Variants in SSBP2 observed in about 807,000 individuals in gnomAD.
SSBP2 encodes single-stranded DNA-binding protein 2.
Under a neutral mutation model 61.8 loss-of-function variants are expected in SSBP2, and 17 were observed. The ratio of observed to expected loss-of-function variants is 0.28; its 90% CI spans 0.19 to 0.41. The LOEUF (loss-of-function observed/expected upper bound fraction) is 0.41. Ranked by LOEUF, SSBP2 falls within the 10% of genes least tolerant of loss-of-function variation. The pLI is 1.00. For synonymous variants in SSBP2, 139 were observed against 141.3 expected (o/e 0.98, Z 0.12); for missense variants, 310 against 458.7 (o/e 0.68, Z 2.96).
chr5:81,434,748 T>C (rs1361366250), intron 15 of SSBP2, among the ~76,000 whole-genome samples: 1 of 148,846 alleles, frequency 6.7e-6, no homozygotes, highest in Non-Finnish European at 1.5e-5. Context: ...TGAATGATAA[T>C]GAAATGATTC....
rs145403663 is a variant in SSBP2, at chr5:81,734,784, A to C, written c.62+16197T>G. 2.2e-4 allele frequency among the ~76,000 whole-genome samples: 34 copies of C among 152,226 alleles called. No individual in the cohort carries two copies. In the Middle Eastern group the frequency reaches 0.01, roughly 46 times the overall value. On this transcript the variant is annotated intron_variant, in intron 1 of 16. Transcript: ENST00000320672. ...CAGGAGATCAAGACCATCCTGGCTA[A>C]CACGGTGAAACTCTGTCTCTACTAA...
At chr5:81,596,409 C>G (rs1216289727) in intron 4 of SSBP2, among the ~76,000 whole-genome samples, 1 of 124,886 alleles carries the variant, frequency 8.0e-6, no homozygotes, top group Non-Finnish European at 1.7e-5. Flanking sequence ...AATGGCCATA[C>G]TGCCCAAGGT....
At position 81,641,926 on chromosome 5, in the gene SSBP2, GA is replaced by G. The variant is rs1255385645; in HGVS notation, c.136-5309del. ...GTATAGCATAAAACCTTTCTGCTTG[GA>G]AAAAAAAAAGTATGTATACATACAT... On this transcript the variant is annotated intron_variant, in intron 2 of 16. Coordinates refer to ENST00000320672, the MANE Select transcript of SSBP2 (RefSeq NM_012446.5). 9.5e-5 allele frequency among the ~76,000 whole-genome samples: 14 copies of G among 146,944 alleles called. No homozygotes were observed. In the South Asian group the frequency reaches 1.7e-3, roughly 18 times the overall value.
At chr5:81,643,804 T>C (rs536694757) in intron 2 of SSBP2, among the ~76,000 whole-genome samples, 1 of 152,096 alleles carries the variant, frequency 6.6e-6, no homozygotes, top group South Asian at 2.1e-4. Context: ...GATTTCACCA[T>C]GTTGGCCAGG....
intron 3 of SSBP2, among the ~76,000 whole-genome samples, chr5:81,622,762 C>A (rs1746730929): frequency 6.6e-6 from 1 of 152,150 alleles, no homozygotes; most frequent in Non-Finnish European, 1.5e-5. Context: ...TTCAAAGATT[C>A]ATTTAGTCTG....
chr5:81,449,477 T>G (rs1763625544), intron 10 of SSBP2, among the ~76,000 whole-genome samples: 1 of 152,194 alleles, frequency 6.6e-6, no homozygotes, highest in Non-Finnish European at 1.5e-5. Context: ...CTAGCTAACT[T>G]GTATTAAGAT....
At chr5:81,461,211 T>G in intron 9 of SSBP2, 108 bp from the exon 10 acceptor site, 1 of 795,760 alleles carries the variant, frequency 1.3e-6, no homozygotes, top group Non-Finnish European at 1.8e-6. Context: ...ACTATGCAGT[T>G]CTAGTTTGGC....
In SSBP2 at chr5:81,452,950, G is replaced by GAA. The variant is rs72373513; in HGVS notation, c.688-4127_688-4126dup. 3.7e-5 allele frequency among the ~76,000 whole-genome samples: 5 copies of GAA among 135,490 alleles called. No homozygotes were observed. In the East Asian group the frequency reaches 8.5e-4, roughly 23 times the overall value. The allele number at this position is 135,490 out of a possible 152,430, so 88.9% of individuals were successfully genotyped here. A position where few individuals can be genotyped will look rare whatever the true frequency, so the allele number is the denominator to read the frequency against. On this transcript the variant is annotated intron_variant, in intron 10 of 16. Transcript: ENST00000320672. ...TGAAACAACATGGTAGCATTAAAAT[G>GAA]AAAAAAAAAAAAAGCAGCCAAGAAA...
At chr5:81,685,782 GC>G (rs1253714217) in intron 1 of SSBP2, among the ~76,000 whole-genome samples, 1 of 152,160 alleles carries the variant, frequency 6.6e-6, no homozygotes, top group Non-Finnish European at 1.5e-5. Flanking sequence ...GGCACTTTTA[GC>G]CACTGGGTGG....
chr5:81,740,524 T>C (rs891742668), intron 1 of SSBP2, among the ~76,000 whole-genome samples: 4 of 152,196 alleles, frequency 2.6e-5, no homozygotes, highest in African/African-American at 9.7e-5. Context: ...ACCAATATGA[T>C]TGTACTACTG....
chr5:81,715,721 G>A lies in SSBP2; in HGVS notation c.62+35260C>T, dbSNP rs552408688. Among the ~76,000 whole-genome samples the A allele has an allele frequency of 2.0e-5, 3 of 152,088 alleles. No homozygotes were observed. The East Asian group carries it at 5.8e-4, about 29-fold the overall frequency. ...TAATCAAAATTAGAATAACTGTACT[G>A]GGAGGATGGGAAGACAAGAAATGTG... On this transcript the variant is annotated intron_variant, in intron 1 of 16. Transcript: ENST00000320672.
At position 81,427,327 on chromosome 5, in the gene SSBP2, T is replaced by C. The variant is rs559329036; in HGVS notation, c.1056+1258A>G. The stretch of plus-strand genomic sequence containing the variant: ...TTAACACTGACAGGCTAAATTTTTT[T>C]TTCAACTGTAAACTGTTACACATAA... On this transcript the variant is annotated intron_variant, in intron 16 of 16. Transcript: ENST00000320672. Among the ~76,000 whole-genome samples, 39 of 152,284 alleles carry C rather than the reference T, an allele frequency of 2.6e-4. 1 individual carries two copies. The South Asian group carries it at 8.1e-3, about 32-fold the overall frequency.
At chr5:81,436,603 A>T (rs1762689665) in intron 15 of SSBP2, among the ~76,000 whole-genome samples, 1 of 152,148 alleles carries the variant, frequency 6.6e-6, no homozygotes, top group South Asian at 2.1e-4. Context: ...TATTATACAT[A>T]AATATAAATT....
intron 2 of SSBP2, 120 bp from the exon 3 acceptor site, chr5:81,636,738 G>T: frequency 4.7e-6 from 4 of 851,196 alleles, no homozygotes; most frequent in South Asian, 2.3e-5. Context: ...TCATTTTCAT[G>T]ATATTTTTTA....
intron 1 of SSBP2, among the ~76,000 whole-genome samples, chr5:81,685,101 G>A (rs747256659): frequency 5.3e-5 from 8 of 152,052 alleles, no homozygotes; most frequent in Admixed American, 5.2e-4. Context: ...TCTCTCTCCT[G>A]CTGCATGTGA....
intron 4 of SSBP2, among the ~76,000 whole-genome samples, chr5:81,611,558 G>C (rs536005678): frequency 6.6e-6 from 1 of 152,074 alleles, no homozygotes; most frequent in South Asian, 2.1e-4. Context: ...TGCTATTTTT[G>C]AAAGAATATC....
At chr5:81,614,168 G>A (rs1745753069) in intron 4 of SSBP2, among the ~76,000 whole-genome samples, 2 of 152,140 alleles carry the variant, frequency 1.3e-5, no homozygotes, top group East Asian at 1.9e-4. Context: ...AGACCATCTT[G>A]GCTAACACGG....
chr5:81,642,589 C>T (rs1748887261), intron 2 of SSBP2, among the ~76,000 whole-genome samples: 1 of 152,130 alleles, frequency 6.6e-6, no homozygotes, highest in Admixed American at 6.5e-5. Context: ...TTATAAAATA[C>T]ATACTATCTG....
intron 1 of SSBP2, among the ~76,000 whole-genome samples, chr5:81,717,798 A>G (rs1755258075): frequency 6.6e-6 from 1 of 152,178 alleles, no homozygotes; most frequent in African/African-American, 2.4e-5. Context: ...TTCATTCTAC[A>G]TATTTCCTAA....
Sources: gnomAD v4.1 joint callset for allele counts (sites outside exome capture counted in the v4.1 genomes callset) on GRCh38, gnomAD v4.1.1 for gene constraint, MANE v1.5 for transcripts, NCBI Gene and HGNC (gene_info 2026-07-23, HGNC 2026-07-21) for gene names.